Variants in GRM5 observed in about 807,000 individuals in gnomAD.
GRM5 encodes metabotropic glutamate receptor 5.
A neutral mutation model predicts 83.1 loss-of-function variants in GRM5; 19 were observed. That is an observed-to-expected ratio of 0.23 (90% CI 0.16 to 0.34). The LOEUF (loss-of-function observed/expected upper bound fraction) is 0.34. GRM5 is among the 10% of genes least tolerant of loss of function. GRM5 has a pLI of 1.00. For synonymous variants in GRM5, 675 were observed against 633.6 expected, an observed-to-expected ratio of 1.07 and a Z score of -0.98; for missense variants, 1,160 against 1,588.3, an observed-to-expected ratio of 0.73 and a Z score of 4.58.
intron 2 of GRM5, among the ~76,000 whole-genome samples, chr11:88,997,933 G>A (rs573819673): frequency 1.3e-5 from 2 of 152,092 alleles, no homozygotes; most frequent in South Asian, 2.1e-4. Flanking sequence ...AGAGTAGGGA[G>A]TACTTCTCAA....
chr11:89,063,056 A>T (rs1942027009), intron 1 of GRM5, among the ~76,000 whole-genome samples: 1 of 152,252 alleles, frequency 6.6e-6, no homozygotes, highest in Admixed American at 6.5e-5. Context: ...TTCCTGCAGC[A>T]GGCGCCACGA....
At chr11:88,700,686 T>TG (rs1362595144) in intron 3 of GRM5, among the ~76,000 whole-genome samples, 2 of 152,114 alleles carry the variant, frequency 1.3e-5, no homozygotes, top group Non-Finnish European at 2.9e-5. Flanking sequence ...TCCTTTATAA[T>TG]GTTGCACAAG....
intron 2 of GRM5, among the ~76,000 whole-genome samples, chr11:88,936,494 T>G (rs1937899072): frequency 6.6e-6 from 1 of 151,046 alleles, no homozygotes; most frequent in Non-Finnish European, 1.5e-5. Flanking sequence ...TACTAGTATG[T>G]TTACTACTAT....
At chr11:88,711,473 G>T (rs1941278843) in intron 3 of GRM5, among the ~76,000 whole-genome samples, 1 of 152,084 alleles carries the variant, frequency 6.6e-6, no homozygotes, top group African/African-American at 2.4e-5. Flanking sequence ...AAATGGCAAA[G>T]AGAAGCTTCT....
chr11:89,047,085 G>C lies in GRM5; in HGVS notation c.661+127C>G. On this transcript the variant is annotated intron_variant, in intron 2 of 9. Coordinates refer to ENST00000305447, the MANE Select transcript of GRM5 (RefSeq NM_001143831.3). The surrounding 1 kb of genome is among the most constrained non-coding windows in gnomAD (Gnocchi z 5.1). ...ATATGCCATCCAGTCTGTTCTTATA[G>C]TACTGGTATAACTCGGACAATTCAA... The C allele has an allele frequency of 1.4e-6, 1 of 704,822 alleles. No individual in the cohort carries two copies. Among genetic ancestry groups the C allele is most frequent in the Non-Finnish European group, 2.4e-6 (1 of 415,786 alleles). The allele number at this position is 704,822 out of a possible 1,614,324, so 43.7% of individuals were successfully genotyped here. A position where few individuals can be genotyped will look rare whatever the true frequency, so the allele number is the denominator to read the frequency against.
At chr11:88,778,445 C>T (rs751589725) in intron 3 of GRM5, among the ~76,000 whole-genome samples, 7 of 152,208 alleles carry the variant, frequency 4.6e-5, no homozygotes, top group Non-Finnish European at 8.8e-5. Context: ...TTGGCTCACC[C>T]TCTGTGGGCT....
At chr11:88,861,542 T>C (rs1944563056) in intron 2 of GRM5, among the ~76,000 whole-genome samples, 1 of 152,132 alleles carries the variant, frequency 6.6e-6, no homozygotes, top group Admixed American at 6.6e-5. Context: ...CACGGCTCAC[T>C]GCAGCCTCAA....
intron 2 of GRM5, among the ~76,000 whole-genome samples, chr11:89,002,745 G>A (rs988421533): frequency 7.2e-5 from 11 of 151,848 alleles, no homozygotes; most frequent in African/African-American, 1.9e-4. Context: ...TCATCCTTCC[G>A]TTCAAAACCC....
intron 2 of GRM5, among the ~76,000 whole-genome samples, chr11:88,870,438 T>A (rs1218988425): frequency 1.2e-5 from 1 of 80,298 alleles, no homozygotes; most frequent in East Asian, 3.7e-4. Flanking sequence ...AAAATCCAAT[T>A]GTGACATGAC....
At chr11:88,745,173 C>CTAAT (rs1942107327) in intron 3 of GRM5, among the ~76,000 whole-genome samples, 1 of 143,820 alleles carries the variant, frequency 7.0e-6, no homozygotes, top group South Asian at 2.3e-4. Flanking sequence ...CTCACTTCTC[C>CTAAT]TAATTTTTTT....
At chr11:88,796,284 A>G (rs990534736) in intron 3 of GRM5, among the ~76,000 whole-genome samples, 45 of 152,322 alleles carry the variant, frequency 3.0e-4, no homozygotes, top group African/African-American at 9.6e-4. Context: ...TGAATCATCA[A>G]TTTCAAATAA....
intron 2 of GRM5, among the ~76,000 whole-genome samples, chr11:88,886,912 C>G (rs1945053342): frequency 6.6e-6 from 1 of 152,146 alleles, no homozygotes; most frequent in Admixed American, 6.5e-5. Context: ...TTTCGAGGAA[C>G]AGAGGGTCAC....
intron 2 of GRM5, chr11:88,925,908 CA>C (rs374225950): frequency 3.5e-4 from 98 of 280,974 alleles, no homozygotes; most frequent in South Asian, 7.8e-4. Flanking sequence ...CACTCAGTCT[CA>C]AAAAAAATAA....
At chr11:88,699,840 G>A (rs568418582) in intron 3 of GRM5, among the ~76,000 whole-genome samples, 46 of 152,290 alleles carry the variant, frequency 3.0e-4, no homozygotes, top group African/African-American at 1.1e-3. Flanking sequence ...GTGGCTGCAT[G>A]AGAAGTCTCC....
intron 3 of GRM5, among the ~76,000 whole-genome samples, chr11:88,813,719 T>A (rs1943623684): frequency 6.6e-6 from 1 of 152,146 alleles, no homozygotes; most frequent in Admixed American, 6.5e-5. Flanking sequence ...TTAAGCAAAG[T>A]AGATACACAG....
chr11:88,793,721 G>A (rs536794753), intron 3 of GRM5, among the ~76,000 whole-genome samples: 7 of 152,246 alleles, frequency 4.6e-5, no homozygotes, highest in East Asian at 1.9e-4. Flanking sequence ...GGGCCAATAC[G>A]GGAGTCAGGA....
chr11:88,807,573 G>A (rs1275419925), intron 3 of GRM5, among the ~76,000 whole-genome samples: 1 of 152,034 alleles, frequency 6.6e-6, no homozygotes, highest in East Asian at 1.9e-4. Flanking sequence ...AGCACTTACT[G>A]CTGGGCCCTG....
At position 88,560,785 on chromosome 11, in the gene GRM5, A is replaced by T. The variant is rs548052375; in HGVS notation, c.2630+6268T>A. 5.9e-5 allele frequency among the ~76,000 whole-genome samples: 9 copies of T among 152,320 alleles called. No individual in the cohort carries two copies. In the South Asian group the frequency reaches 1.9e-3, roughly 32 times the overall value. On this transcript the variant is annotated intron_variant, in intron 8 of 9. Transcript: ENST00000305447. ...TGAAGACAGCATTAGATAGTTGTGA[A>T]AATGTTACATATGTACACAAAACAA... is the stretch of plus-strand genomic sequence containing the variant.
intron 8 of GRM5, among the ~76,000 whole-genome samples, chr11:88,560,414 A>G (rs1321929623): frequency 6.6e-6 from 1 of 151,920 alleles, no homozygotes; most frequent in Non-Finnish European, 1.5e-5. Flanking sequence ...TTCCTGGGAG[A>G]CTGAGGGCTT....
Sources: allele counts gnomAD v4.1 joint callset (sites outside exome capture counted in the v4.1 genomes callset), GRCh38; gene constraint gnomAD v4.1.1; non-coding constraint Gnocchi (gnomAD v3.1); transcripts MANE v1.5; gene names NCBI Gene and HGNC (gene_info 2026-07-23, HGNC 2026-07-21).